NPC1: variants seen among roughly 807,000 people sequenced by gnomAD.
The protein encoded by NPC1 is NPC intracellular cholesterol transporter 1.
In NPC1, 85 loss-of-function variants were observed where a neutral mutation model predicts 140.4. That is an observed-to-expected ratio of 0.61 (90% CI 0.51 to 0.72). NPC1 has a LOEUF of 0.72. Ranked by LOEUF, NPC1 falls within the 30% of genes least tolerant of loss-of-function variation. The pLI, the probability that NPC1 is intolerant of heterozygous loss-of-function variation, is 0.00. For synonymous variants in NPC1, 656 were observed against 624.8 expected, an observed-to-expected ratio of 1.05 and a Z score of -0.74; for missense variants, 1,504 against 1,623.8, an observed-to-expected ratio of 0.93 and a Z score of 1.27.
chr18:23,533,168 T>C, intron 24 of NPC1, 187 bp downstream of exon 24: 1 of 709,822 alleles, frequency 1.4e-6, no homozygotes, highest in East Asian at 2.8e-5. Context: ...AATAAAGTAG[T>C]CTGCACCATC....
chr18:23,516,507 T>C (rs960318286), intron 3 of NPC1: 5 of 1,386,972 alleles, frequency 3.6e-6, no homozygotes, highest in Non-Finnish European at 5.1e-6. Context: ...AAGCACCACG[T>C]GATGCCCTGA....
intron 3 of NPC1, among the ~76,000 whole-genome samples, chr18:23,510,822 A>ATTTCTT (rs2057835756): frequency 6.6e-6 from 1 of 152,264 alleles, no homozygotes; most frequent in African/African-American, 2.4e-5. Context: ...AAGTCAAAGA[A>ATTTCTT]TAACAGATAC....
In NPC1 at chr18:23,543,516, T is replaced by C. The variant is rs1396587033; in HGVS notation, c.2184A>G (p.Leu728=). The change falls in exon 14 of 25, where the codon CTA becomes CTG. Residue 728 remains leucine, a synonymous_variant. Transcript: ENST00000269228. Reference sequence around the variant, plus strand: ...GGAACATACTGGGAGCCACTTCTCCTAGGACCCTGCCCAGCTGCTGATCCA... The same window carrying C: ...GGAACATACTGGGAGCCACTTCTCCCAGGACCCTGCCCAGCTGCTGATCCA... ...ETLDQQLGRV[L]GEVAPSMFLS... 2 of 1,611,728 alleles carry C rather than the reference T, an allele frequency of 1.2e-6. No homozygotes were observed. Among genetic ancestry groups the C allele is most frequent in the Non-Finnish European group, 8.5e-7 (1 of 1,179,240 alleles).
rs1232191827 is a variant in NPC1, at chr18:23,573,549, T to C, written c.83A>G (p.Tyr28Cys). The C allele has an allele frequency of 5.0e-6, 8 of 1,614,008 alleles. No individual in the cohort carries two copies. The highest frequency in any genetic ancestry group is 1.7e-5 in the Admixed American group (1 of 60,000). The part of the protein sequence containing the change: ...AQVFSQSCVW[Y>C]GECGIAYGDK... ...CCCATATGCAATTCCACACTCTCCATACCAAACACAGGACTGTGAAAACAC... is the reference window on the plus strand; with the variant it reads ...CCCATATGCAATTCCACACTCTCCACACCAAACACAGGACTGTGAAAACAC... The change falls in exon 2 of 25, where the codon TAT becomes TGT. Residue 28 changes from tyrosine to cysteine, a missense_variant. Tyr to Cys is a radical substitution (Grantham distance 194). Transcript: ENST00000269228.
At chr18:23,538,271 A>C (rs750724136) in intron 20 of NPC1, among the ~76,000 whole-genome samples, 3 of 152,250 alleles carry the variant, frequency 2.0e-5, no homozygotes, top group Non-Finnish European at 4.4e-5. Flanking sequence ...GAATGTGCAC[A>C]GGAATCTGCG....
At chr18:23,522,832 C>G (rs1289606595) in exon 2 of NPC1, 1 of 152,340 alleles carries the variant, frequency 6.6e-6, no homozygotes, top group Non-Finnish European at 1.5e-5. Flanking sequence ...GCTGTGAGCC[C>G]TGGCGGCTTG....
intron 6 of NPC1, among the ~76,000 whole-genome samples, chr18:23,558,964 C>T (rs564469078): frequency 3.1e-4 from 47 of 152,098 alleles, no homozygotes; most frequent in African/African-American, 1.0e-3. Context: ...TGAGTGAGAA[C>T]ATGCGGTGTT....
rs751951695 is a variant in NPC1 at position 23,554,764 on chromosome 18, C to T, written c.1547G>A (p.Cys516Tyr). 3 of 1,612,338 alleles carry T rather than the reference C, an allele frequency of 1.9e-6. No individual in the cohort carries two copies. Among genetic ancestry groups the T allele is most frequent in the African/African-American group, 2.7e-5 (2 of 74,880 alleles). ...ATTGTCTCTTGCCACTTACCGTACG[C>T]AGTACAGAAAGTGCGTGTGGTAATC... is the stretch of plus-strand genomic sequence containing the variant. ...YADYHTHFLY[C>Y]VRAPASLNDT... The change falls in exon 9 of 25, where the codon TGC becomes TAC. Residue 516 changes from cysteine to tyrosine, a missense_variant. Coordinates refer to ENST00000269228, the MANE Select transcript of NPC1 (RefSeq NM_000271.5).
At position 23,566,871 on chromosome 18, in the gene NPC1, G is replaced by A. The variant is rs533961683; in HGVS notation, c.463+1952C>T. ...TCTCTCCTAACCCATGGCAATCACTGACTTTTTACTGTCTCCACGGTTTTG... is the reference window on the plus strand; with the variant it reads ...TCTCTCCTAACCCATGGCAATCACTAACTTTTTACTGTCTCCACGGTTTTG... On this transcript the variant is annotated intron_variant, in intron 4 of 24. Coordinates refer to ENST00000269228, the MANE Select transcript of NPC1 (RefSeq NM_000271.5). Among the ~76,000 whole-genome samples the A allele has an allele frequency of 2.0e-5, 3 of 152,240 alleles. No individual in the cohort carries two copies. The South Asian group carries it at 6.2e-4, about 32-fold the overall frequency.
At chr18:23,576,856 T>C (rs1010658907) in intron 1 of NPC1, 3 of 157,348 alleles carry the variant, frequency 1.9e-5, no homozygotes, top group African/African-American at 4.8e-5. Context: ...ATAAAAGCAG[T>C]GTGGACCCAA....
chr18:23,537,000 T>A (rs2058641213), intron 20 of NPC1, 124 bp from the exon 21 acceptor site: 1 of 764,298 alleles, frequency 1.3e-6, no homozygotes, highest in Non-Finnish European at 2.3e-6. Flanking sequence ...AGCTGTACAT[T>A]TCAGGGATGA....
At chr18:23,566,331 C>T (rs910222219) in intron 4 of NPC1, among the ~76,000 whole-genome samples, 1 of 152,150 alleles carries the variant, frequency 6.6e-6, no homozygotes, top group Non-Finnish European at 1.5e-5. Flanking sequence ...CTGCAGTGAG[C>T]CATGATTGCA....
At position 23,531,520 on chromosome 18, in the gene NPC1, T is replaced by C. The variant is rs965510363; in HGVS notation, c.*682A>G. On this transcript the variant is annotated 3_prime_UTR_variant, in exon 25 of 25. Transcript: ENST00000269228. Reference sequence around the variant, plus strand: ...AAACTTAGGAAAACAATGTATTTTATTAAAGAAAAATAAGTTAAAACCCAG... The same window carrying C: ...AAACTTAGGAAAACAATGTATTTTACTAAAGAAAAATAAGTTAAAACCCAG... 1.3e-6 allele frequency: 2 copies of C among 1,514,892 alleles called. No individual in the cohort carries two copies. The highest frequency in any genetic ancestry group is 1.4e-5 in the African/African-American group (1 of 71,320). The allele number at this position is 1,514,892 out of a possible 1,614,324, so 93.8% of individuals were successfully genotyped here.
rs541134517 is a variant in NPC1, at chr18:23,550,472, T to A, written c.1654+1155A>T. On this transcript the variant is annotated intron_variant, in intron 10 of 24. Coordinates refer to ENST00000269228, the MANE Select transcript of NPC1 (RefSeq NM_000271.5). ...GCCTCCTGAATTTTCTTCCAGTTCT[T>A]ACATTTCTTTTTTTTTTTTTTTTTT... Among the ~76,000 whole-genome samples, 9 of 130,992 alleles carry A rather than the reference T, an allele frequency of 6.9e-5. 1 individual carries two copies. The South Asian group carries it at 1.3e-3, about 19-fold the overall frequency. The allele number at this position is 130,992 out of a possible 152,430, so 85.9% of individuals were successfully genotyped here.
In NPC1 at chr18:23,544,499, C is replaced by T. The variant is rs772849085; in HGVS notation, c.1975G>A (p.Ala659Thr). 1.3e-5 allele frequency: 21 copies of T among 1,614,046 alleles called. No homozygotes were observed. The highest frequency in any genetic ancestry group is 5.3e-5 in the African/African-American group (4 of 74,908). The change falls in exon 13 of 25, where the codon GCG becomes ACG. Residue 659 changes from alanine (A) to threonine (T), a missense_variant. By Grantham distance (58) the Ala-to-Thr change is moderately conservative. Transcript: ENST00000269228. ...GAGCTCAGCACGATCAAGATGCCCG[C>T]GATGCCTAGTGAGACCTTCGAATCC... ...LVDSKVSLGI[A>T]GILIVLSSVA...
chr18:23,545,175 T>A, intron 11 of NPC1, 26 bp from the exon 12 acceptor site: 1 of 1,530,922 alleles, frequency 6.5e-7, no homozygotes. Flanking sequence ...AATGTTATAT[T>A]TTTAGTTAAA....
In NPC1 at chr18:23,541,208, T is replaced by C. The variant is rs767901474; in HGVS notation, c.2374A>G (p.Lys792Glu). 6.2e-7 allele frequency: 1 copy of C among 1,614,248 alleles called. No homozygotes were observed. The highest frequency in any genetic ancestry group is 1.1e-5 in the South Asian group (1 of 91,092). Residue 792 changes from lysine to glutamate, a missense_variant and splice_region_variant, in exon 16 of 25, where the codon AAA becomes GAA. By Grantham distance (56) the Lys-to-Glu change is moderately conservative. Coordinates refer to ENST00000269228, the MANE Select transcript of NPC1 (RefSeq NM_000271.5). ...LLGLDIKRQE[K>E]NRLDIFCCVR... ...CAGCAAAAGATGTCTAGCCGATTTT[T>C]CTGAGGGGACAGAGGGAAACAAAGG...
chr18:23,574,456 C>A (rs189891707), intron 1 of NPC1, among the ~76,000 whole-genome samples: 4,389 of 150,682 alleles, frequency 0.029, 190 homozygotes, highest in African/African-American at 0.1. Context: ...AAAAAAAAAA[C>A]AAATCTGAAC....
chr18:23,530,628 A>G (rs148061477), downstream of NPC1: 3,372 of 1,609,670 alleles, frequency 2.1e-3, 62 homozygotes, highest in African/African-American at 0.04. Context: ...AATGCAATGA[A>G]AAGACTTGGG....
Sources: allele counts gnomAD v4.1 joint callset (sites outside exome capture counted in the v4.1 genomes callset), GRCh38; gene constraint gnomAD v4.1.1; transcripts MANE v1.5; gene names NCBI Gene and HGNC (gene_info 2026-07-23, HGNC 2026-07-21).